The following NCOA3 variants were observed in gnomAD, a reference collection of about 807,000 sequenced individuals.
NCOA3 encodes the protein nuclear receptor coactivator 3, also known as CBP-interacting protein.
NCOA3 carries 51 observed loss-of-function variants against 158.8 expected under a neutral mutation model. The observed-to-expected ratio is 0.32, with a 90% CI of 0.26 to 0.41. NCOA3 has a LOEUF of 0.41. Among genes scored for constraint, NCOA3 ranks in the 10% least tolerant of loss-of-function variants. The probability of loss-of-function intolerance (pLI) is 1.00; values close to 1 mark genes in which losing one functional copy is unlikely to be tolerated. For synonymous variants in NCOA3, 537 were observed against 592.4 expected, an observed-to-expected ratio of 0.91 and a Z score of 1.36; for missense variants, 1,510 against 1,746.6, an observed-to-expected ratio of 0.86 and a Z score of 2.41.
At chr20:47,623,821 A>T in intron 3 of NCOA3, 90 bp from the exon 4 acceptor site, 2 of 1,142,074 alleles carry the variant, frequency 1.8e-6, no homozygotes, top group Non-Finnish European at 2.5e-6. Flanking sequence ...ATCATGTAAT[A>T]GTGTTGTATA....
intron 1 of NCOA3, among the ~76,000 whole-genome samples, chr20:47,511,002 ATACT>A (rs2084114475): frequency 6.6e-6 from 1 of 152,092 alleles, no homozygotes; most frequent in Admixed American, 6.6e-5. Context: ...ATGCACAGAC[ATACT>A]TAATCAGTGA....
chr20:47,525,646 C>T (rs1302634825), intron 1 of NCOA3, among the ~76,000 whole-genome samples: 8 of 123,458 alleles, frequency 6.5e-5, no homozygotes, highest in Admixed American at 4.6e-4. Flanking sequence ...GACGGGGCGG[C>T]TGGCCGGACG....
At chr20:47,553,058 C>G (rs991421391) in intron 1 of NCOA3, among the ~76,000 whole-genome samples, 1 of 151,780 alleles carries the variant, frequency 6.6e-6, no homozygotes, top group African/African-American at 2.4e-5. Context: ...CTCAGCCTCC[C>G]GGGTAGCTGG....
intron 1 of NCOA3, among the ~76,000 whole-genome samples, chr20:47,546,663 C>G (rs533147011): frequency 6.6e-6 from 1 of 151,924 alleles, no homozygotes; most frequent in East Asian, 1.9e-4. Flanking sequence ...TCTCGAGTTG[C>G]TGGGATTACA....
chr20:47,644,571 A>G (rs2086659406), intron 17 of NCOA3, among the ~76,000 whole-genome samples: 1 of 152,158 alleles, frequency 6.6e-6, no homozygotes, highest in Middle Eastern at 3.2e-3. Flanking sequence ...CTGTTCTTAT[A>G]TGTTAAGAGT....
In NCOA3 at chr20:47,518,884, C is replaced by G. The variant is rs116860402; in HGVS notation, c.-99+16865C>G. On this transcript the variant is annotated intron_variant, in intron 1 of 22. Transcript: ENST00000371998. ...GGTGCGGTGGCTCACGCCTGTAACT[C>G]CAGCACTTTGTGAGGCCGAGGTGGG... Among the ~76,000 whole-genome samples, 47 of 152,004 alleles carry G rather than the reference C, an allele frequency of 3.1e-4. 2 individuals are homozygous for G. The East Asian group carries it at 8.3e-3, about 27-fold the overall frequency.
At chr20:47,632,785 C>A (rs976924804) in intron 8 of NCOA3, among the ~76,000 whole-genome samples, 1 of 151,710 alleles carries the variant, frequency 6.6e-6, no homozygotes, top group Non-Finnish European at 1.5e-5. Context: ...CAGGTTCCAG[C>A]GATTCTCCTG....
In NCOA3 at chr20:47,598,246, C is replaced by CAAAAA. The variant is rs71183268; in HGVS notation, c.-20+15001_-20+15005dup. On this transcript the variant is annotated intron_variant, in intron 2 of 22. Coordinates refer to ENST00000371998, the MANE Select transcript of NCOA3 (RefSeq NM_181659.3). ...TGGGCGATAGGGCGAGACTCTGTCT[C>CAAAAA]AAAAAAAAAAAAAAAAAAAAGAACC... Among the ~76,000 whole-genome samples, 31 of 84,484 alleles carry CAAAAA rather than the reference C, an allele frequency of 3.7e-4. 2 individuals are homozygous for CAAAAA. Among genetic ancestry groups the CAAAAA allele is most frequent in the African/African-American group, 1.2e-3 (26 of 21,744 alleles). The allele number at this position is 84,484 out of a possible 152,430, so 55.4% of individuals were successfully genotyped here.
intron 9 of NCOA3, 88 bp downstream of exon 9, chr20:47,633,724 T>C: frequency 1.4e-6 from 2 of 1,392,294 alleles, no homozygotes; most frequent in Admixed American, 4.3e-5. Flanking sequence ...CTCGAACTCC[T>C]GGATTTAATT....
At chr20:47,578,278 G>C (rs930507121) in intron 1 of NCOA3, among the ~76,000 whole-genome samples, 3 of 151,610 alleles carry the variant, frequency 2.0e-5, no homozygotes, top group Non-Finnish European at 4.4e-5. Flanking sequence ...CTCTGCCTAC[G>C]GGGTTCAAGC....
intron 2 of NCOA3, among the ~76,000 whole-genome samples, chr20:47,599,061 T>C (rs1319337221): frequency 1.3e-5 from 2 of 152,238 alleles, no homozygotes; most frequent in African/African-American, 2.4e-5. Flanking sequence ...CTATACCATA[T>C]AGCCTAGATT....
At chr20:47,613,946 C>T (rs1462211494) in intron 2 of NCOA3, among the ~76,000 whole-genome samples, 2 of 151,982 alleles carry the variant, frequency 1.3e-5, no homozygotes, top group African/African-American at 4.8e-5. Flanking sequence ...TTTTCTTTCC[C>T]CTCCTACTTA....
intron 1 of NCOA3, among the ~76,000 whole-genome samples, chr20:47,518,901 C>A (rs145009958): frequency 6.6e-6 from 1 of 151,818 alleles, no homozygotes; most frequent in Non-Finnish European, 1.5e-5. Flanking sequence ...TTTGTGAGGC[C>A]GAGGTGGGTG....
At chr20:47,650,572 T>C (rs2086766291) in intron 19 of NCOA3, among the ~76,000 whole-genome samples, 1 of 151,594 alleles carries the variant, frequency 6.6e-6, no homozygotes, top group South Asian at 2.1e-4. Context: ...ATGTGAAGAA[T>C]TGTATGTTTT....
At chr20:47,538,150 G>A (rs2084664940) in intron 1 of NCOA3, among the ~76,000 whole-genome samples, 1 of 152,132 alleles carries the variant, frequency 6.6e-6, no homozygotes, top group Non-Finnish European at 1.5e-5. Context: ...AAAGTGCTAG[G>A]ATTACAGGCA....
intron 2 of NCOA3, among the ~76,000 whole-genome samples, chr20:47,622,022 G>A (rs559029988): frequency 1.3e-5 from 2 of 152,198 alleles, no homozygotes; most frequent in East Asian, 3.9e-4. Context: ...CTGTCTTGGA[G>A]TACATACGTT....
chr20:47,623,231 C>A (rs2086269858), intron 3 of NCOA3, among the ~76,000 whole-genome samples: 1 of 152,146 alleles, frequency 6.6e-6, no homozygotes, highest in South Asian at 2.1e-4. Context: ...AAATATCAAT[C>A]TACAATGAAT....
intron 1 of NCOA3, among the ~76,000 whole-genome samples, chr20:47,535,257 G>A (rs2084613897): frequency 1.3e-5 from 2 of 152,172 alleles, no homozygotes; most frequent in African/African-American, 2.4e-5. Flanking sequence ...CGGACAGGTC[G>A]TGAGGAGTGT....
chr20:47,526,448 C>T (rs6018531), intron 1 of NCOA3, among the ~76,000 whole-genome samples: 10,270 of 152,236 alleles, frequency 0.067, 490 homozygotes, highest in Middle Eastern at 0.17. Flanking sequence ...GAGATCACGC[C>T]ACTGCACTCC....
Sources: allele counts gnomAD v4.1 joint callset (sites outside exome capture counted in the v4.1 genomes callset), GRCh38; gene constraint gnomAD v4.1.1; transcripts MANE v1.5; gene names NCBI Gene and HGNC (gene_info 2026-07-23, HGNC 2026-07-21).